Variants in PCDH11X observed in about 807,000 individuals in gnomAD.
PCDH11X encodes the protein protocadherin-11 X-linked.
Under a neutral mutation model 53.3 loss-of-function variants are expected in PCDH11X, and 18 were observed. That is an observed-to-expected ratio of 0.34 (90% CI 0.23 to 0.50). The LOEUF is 0.50. Among genes scored for constraint, PCDH11X ranks in the 20% least tolerant of loss-of-function variants. The probability of loss-of-function intolerance (pLI) is 0.98; values close to 1 mark genes in which losing one functional copy is unlikely to be tolerated. For missense variants in PCDH11X, 570 were observed against 1,032.4 expected (o/e 0.55, Z 6.14); for synonymous variants, 279 against 393.3 (o/e 0.71, Z 3.44).
chrX:92,031,308 G>A (rs1034822132), intron 6 of PCDH11X, among the ~76,000 whole-genome samples: 24 of 108,654 alleles, frequency 2.2e-4, no homozygotes, highest in Middle Eastern at 4.7e-3. Context: ...GAAATCTTTT[G>A]CCCATTTTTA....
intron 10 of PCDH11X, among the ~76,000 whole-genome samples, chrX:92,542,785 C>A: frequency 9.0e-6 from 1 of 111,058 alleles, no homozygotes. Context: ...TCTAAAGCCT[C>A]TCTAGTGGCA....
At chrX:92,287,868 G>A (rs1255225496) in intron 8 of PCDH11X, 5 of 487,947 alleles carry the variant, frequency 1.0e-5, no homozygotes, top group Non-Finnish European at 1.8e-5. Flanking sequence ...CTCCCTTGCT[G>A]TTCTTGTGAT....
intron 6 of PCDH11X, among the ~76,000 whole-genome samples, chrX:92,057,228 ATT>A (rs1319414131): frequency 9.6e-6 from 1 of 104,414 alleles, no homozygotes; most frequent in Non-Finnish European, 2.0e-5. Context: ...TTTATGAATC[ATT>A]GTTTTGAATC....
intron 6 of PCDH11X, among the ~76,000 whole-genome samples, chrX:91,962,554 C>G (rs1602571392): frequency 1.8e-5 from 2 of 111,619 alleles, no homozygotes; most frequent in East Asian, 5.8e-4. Context: ...TGTGGGTTTT[C>G]CAGGTGCATG....
chrX:92,441,202 A>G (rs1407834650), intron 9 of PCDH11X, among the ~76,000 whole-genome samples: 1 of 107,783 alleles, frequency 9.3e-6, no homozygotes, highest in Admixed American at 1.0e-4. Flanking sequence ...AGGAAAGCAG[A>G]GCATAAGAGT....
At chrX:92,522,021 G>A (rs1334005883) in intron 10 of PCDH11X, among the ~76,000 whole-genome samples, 1 of 112,217 alleles carries the variant, frequency 8.9e-6, no homozygotes, top group Non-Finnish European at 1.9e-5. Flanking sequence ...AATATTAGCA[G>A]TAAAGCTGTT....
chrX:92,409,883 G>T (rs770408182), intron 9 of PCDH11X, among the ~76,000 whole-genome samples: 57 of 111,778 alleles, frequency 5.1e-4, no homozygotes, highest in Middle Eastern at 4.7e-3. Context: ...CCAAGAAATT[G>T]CTTCTTTTAA....
At chrX:91,782,416 T>G (rs1935181641) in intron 1 of PCDH11X, among the ~76,000 whole-genome samples, 1 of 104,102 alleles carries the variant, frequency 9.6e-6, no homozygotes, top group Admixed American at 1.0e-4. Flanking sequence ...GTGTTCCAGA[T>G]GCAATAATAG....
chrX:92,508,635 A>G (rs917071107), intron 10 of PCDH11X, among the ~76,000 whole-genome samples: 7 of 110,396 alleles, frequency 6.3e-5, no homozygotes, highest in African/African-American at 2.3e-4. Flanking sequence ...CATTATTATA[A>G]ATCAATATAA....
chrX:92,161,504 C>CT (rs1284952283), intron 6 of PCDH11X, among the ~76,000 whole-genome samples: 1 of 110,540 alleles, frequency 9.0e-6, no homozygotes, highest in African/African-American at 3.3e-5. Context: ...TAGACATGAT[C>CT]TTTTTGCGAT....
chrX:92,289,428 A>G (rs1183039853), intron 8 of PCDH11X, among the ~76,000 whole-genome samples: 1 of 112,115 alleles, frequency 8.9e-6, no homozygotes, highest in Non-Finnish European at 1.9e-5. Context: ...GCATCATAAA[A>G]TTAAATAACT....
chrX:92,326,711 C>T (rs1252697982), intron 8 of PCDH11X, among the ~76,000 whole-genome samples: 2 of 76,516 alleles, frequency 2.6e-5, no homozygotes, highest in Non-Finnish European at 4.7e-5. Flanking sequence ...TGAAATGCCA[C>T]TTAGGAATTT....
At chrX:91,994,830 AT>A (rs1372942117) in intron 6 of PCDH11X, among the ~76,000 whole-genome samples, 2 of 110,905 alleles carry the variant, frequency 1.8e-5, no homozygotes, top group Non-Finnish European at 3.8e-5. Context: ...GTTTTTTATA[AT>A]AGCCAATCTA....
intron 10 of PCDH11X, among the ~76,000 whole-genome samples, chrX:92,565,570 G>T (rs1168957058): frequency 1.6e-4 from 14 of 85,910 alleles, no homozygotes; most frequent in Non-Finnish European, 3.1e-4. Context: ...ATTTATTCGT[G>T]CAATCTAAAA....
At chrX:92,206,946 G>A (rs1013438340) in intron 7 of PCDH11X, among the ~76,000 whole-genome samples, 1 of 111,370 alleles carries the variant, frequency 9.0e-6, no homozygotes, top group African/African-American at 3.3e-5. Flanking sequence ...TGAAATCATA[G>A]GTCAATTTTC....
chrX:92,146,801 C>T (rs1447284768), intron 6 of PCDH11X, among the ~76,000 whole-genome samples: 2 of 110,466 alleles, frequency 1.8e-5, no homozygotes, highest in African/African-American at 6.6e-5. Context: ...GAGTTCGAGA[C>T]CAGCCTGGCC....
chrX:91,969,221 C>T (rs2061911346), intron 6 of PCDH11X, among the ~76,000 whole-genome samples: 1 of 109,692 alleles, frequency 9.1e-6, no homozygotes, highest in Non-Finnish European at 1.9e-5. Flanking sequence ...GAAAGGGTGG[C>T]TTAATTATAT....
At chrX:92,412,079 GGAGGAA>G (rs201334602) in intron 9 of PCDH11X, among the ~76,000 whole-genome samples, 10,449 of 89,578 alleles carry the variant, frequency 0.12, 1,262 homozygotes, top group African/African-American at 0.35. Flanking sequence ...AGGAGGAGGA[GGAGGAA>G]GAAGAAGAAG....
intron 6 of PCDH11X, among the ~76,000 whole-genome samples, chrX:91,935,547 C>A (rs1311579705): frequency 9.2e-6 from 1 of 108,592 alleles, no homozygotes; most frequent in Non-Finnish European, 1.9e-5. Context: ...ATCCACTAAA[C>A]CTTGTCACAC....
Sources: gnomAD v4.1 joint callset for allele counts (sites outside exome capture counted in the v4.1 genomes callset) on GRCh38, gnomAD v4.1.1 for gene constraint, MANE v1.5 for transcripts, NCBI Gene and HGNC (gene_info 2026-07-23, HGNC 2026-07-21) for gene names.